DNAH5: variants seen among roughly 807,000 people sequenced by gnomAD.
DNAH5 encodes the protein axonemal beta dynein heavy chain 5.
A neutral mutation model predicts 518.2 loss-of-function variants in DNAH5; 372 were observed. The ratio of observed to expected loss-of-function variants is 0.72; its 90% CI spans 0.66 to 0.78. The LOEUF (loss-of-function observed/expected upper bound fraction) is 0.78, where lower values mean the gene tolerates loss of function less well. Ranked by LOEUF, DNAH5 falls within the 30% of genes least tolerant of loss-of-function variation. The pLI is 0.00. For synonymous variants in DNAH5, 2,039 were observed against 2,025.9 expected (o/e 1.01, Z -0.17); for missense variants, 5,523 against 5,687.0 (o/e 0.97, Z 0.93).
At chr5:13,692,371 T>C (rs1464750381) in intron 78 of DNAH5, among the ~76,000 whole-genome samples, 2 of 152,148 alleles carry the variant, frequency 1.3e-5, no homozygotes, top group East Asian at 3.9e-4. Flanking sequence ...TGCTGGCCCC[T>C]TGCCCTGAAC....
Position 13,777,285 on chromosome 5 carries a change from C to T in DNAH5, c.9022G>A (p.Gly3008Arg), listed in dbSNP as rs1348742926. The T allele has an allele frequency of 8.1e-6, 13 of 1,613,218 alleles. No homozygotes were observed. In the East Asian group the frequency reaches 2.7e-4, roughly 33 times the overall value. The stretch of plus-strand genomic sequence containing the variant: ...TTGTCTGTGAAAATAAAAGTGATTC[C>T]TTTGCCTTGCTGACCAGCTGTTCGA... ...LYRTAGQQGK[G>R]ITFIFTDNEI... is the part of the protein sequence containing the mutation. Residue 3008 changes from glycine (G) to arginine (R), a missense_variant, in exon 54 of 79, where the codon GGA becomes AGA. By Grantham distance (125) the Gly-to-Arg change is moderately radical (BLOSUM62 -2). This residue lies in a region of DNAH5 where 5,121 missense variants were observed against 5,223.3 expected (regional missense o/e 0.98). Transcript: ENST00000265104.
intron 38 of DNAH5, among the ~76,000 whole-genome samples, chr5:13,828,283 T>C (rs1006144): frequency 0.4 from 60,629 of 152,098 alleles, 12,305 homozygotes; most frequent in East Asian, 0.61. Flanking sequence ...TTCAAAGAAG[T>C]TTGAAATTAA....
At chr5:13,862,853 A>ATATATATATATAT (rs55675172) in intron 28 of DNAH5, 106 bp from the exon 29 acceptor site, 3 of 302,622 alleles carry the variant, frequency 9.9e-6, no homozygotes, top group African/African-American at 2.3e-5. Flanking sequence ...TATATATATA[A>ATATATATATATAT]ATATATATAT....
intron 55 of DNAH5, 62 bp downstream of exon 55, chr5:13,776,377 C>A: frequency 6.2e-7 from 1 of 1,608,278 alleles, no homozygotes; most frequent in Non-Finnish European, 8.5e-7. Context: ...TTCAAGCATC[C>A]CTGAAAGAAC....
Position 13,747,338 on chromosome 5 carries a change from G to A in DNAH5, c.11211+3740C>T, listed in dbSNP as rs866564407. On this transcript the variant is annotated intron_variant, in intron 65 of 78. Coordinates refer to ENST00000265104, the MANE Select transcript of DNAH5 (RefSeq NM_001369.3). ...AGTCTTTGCTATTGTGAATAGTGCC[G>A]CAATAAACATACGTGTGCATGTATC... Among the ~76,000 whole-genome samples, 381 of 152,176 alleles carry A rather than the reference G, an allele frequency of 2.5e-3. 4 individuals are homozygous for A. Among genetic ancestry groups the A allele is most frequent in the African/African-American group, 8.8e-3 (365 of 41,504 alleles).
chr5:13,774,863 A>T (rs1268836863), intron 55 of DNAH5, among the ~76,000 whole-genome samples: 1 of 152,178 alleles, frequency 6.6e-6, no homozygotes, highest in African/African-American at 2.4e-5. Context: ...TTCATATGTA[A>T]ATCATCTTAA....
At position 13,824,192 on chromosome 5, in the gene DNAH5, G is replaced by GT. The variant is rs1259303216; in HGVS notation, c.6579+6dup. ...GTAGGTGGAACACTTCCATCTGTGA[G>GT]TCTTACCAGTTTAGAAAGATTCATG... On this transcript the variant is annotated splice_region_variant and intron_variant, in intron 39 of 78. Transcript: ENST00000265104. The GT allele has an allele frequency of 1.9e-6, 3 of 1,613,648 alleles. No homozygotes were observed. The highest frequency in any genetic ancestry group is 2.5e-6 in the Non-Finnish European group (3 of 1,179,808).
At chr5:13,889,751 G>A (rs536202545) in intron 17 of DNAH5, among the ~76,000 whole-genome samples, 15 of 152,194 alleles carry the variant, frequency 9.9e-5, no homozygotes, top group Middle Eastern at 3.4e-3. Context: ...GGTGAGCTCC[G>A]GGCAAGCCTC....
chr5:13,891,002 A>G lies in DNAH5; in HGVS notation c.2551T>C (p.Cys851Arg). ...CQLPQEEPLT[C>R]EEFLQMTKDL... Reference sequence around the variant, plus strand: ...TTTGTCATTTGGAGAAACTCTTCACAGGTTAGTGGCTCCTCCTGGGGAAGC... The same window carrying G: ...TTTGTCATTTGGAGAAACTCTTCACGGGTTAGTGGCTCCTCCTGGGGAAGC... The change falls in exon 17 of 79, where the codon TGT becomes CGT. Residue 851 changes from cysteine (C) to arginine (R), a missense_variant. This residue lies in a region of DNAH5 where 5,121 missense variants were observed against 5,223.3 expected (regional missense o/e 0.98). Transcript: ENST00000265104. The G allele has an allele frequency of 6.2e-7, 1 of 1,614,184 alleles. No homozygotes were observed. Among genetic ancestry groups the G allele is most frequent in the Non-Finnish European group, 8.5e-7 (1 of 1,179,992 alleles).
intron 75 of DNAH5, among the ~76,000 whole-genome samples, chr5:13,713,767 A>C (rs111900011): frequency 1.1e-4 from 17 of 152,090 alleles, no homozygotes; most frequent in African/African-American, 4.1e-4. Flanking sequence ...GGGTTCACCA[A>C]TATCTCACAA....
In DNAH5 at chr5:13,956,709, C is replaced by G. The variant is rs554476704; in HGVS notation, c.13-25465G>C. ...AGCAGAGACCGAAGTGTGAGGTTTA[C>G]AGCATGATTCAACTGCCACATTTTT... On this transcript the variant is annotated intron_variant, in intron 1 of 78. Transcript: ENST00000681290. 2.6e-5 allele frequency among the ~76,000 whole-genome samples: 4 copies of G among 152,336 alleles called. No individual in the cohort carries two copies. In the East Asian group the frequency reaches 5.8e-4, roughly 22 times the overall value.
At chr5:13,955,881 C>G (rs989098412) in intron 1 of DNAH5, among the ~76,000 whole-genome samples, 12 of 152,094 alleles carry the variant, frequency 7.9e-5, no homozygotes, top group African/African-American at 2.9e-4. Context: ...GTTCAAAACT[C>G]TTATTTCAAT....
At chr5:13,926,652 C>A (rs908141597) in intron 3 of DNAH5, among the ~76,000 whole-genome samples, 1 of 151,732 alleles carries the variant, frequency 6.6e-6, no homozygotes, top group Admixed American at 6.6e-5. Context: ...TAAGAACATC[C>A]AGGAAAGTCA....
rs1561102835 is a variant in DNAH5 at position 13,717,431 on chromosome 5, C to T, written c.12589G>A (p.Glu4197Lys). 1.2e-6 allele frequency: 2 copies of T among 1,614,164 alleles called. No individual in the cohort carries two copies. The highest frequency in any genetic ancestry group is 8.5e-7 in the Non-Finnish European group (1 of 1,180,016). ...CCCAGGGCACCGAACTTGCGCCTCT[C>T]CTGGACAGTGGAGTGCAGGAAAGCC... ...AVAFLHSTVQ[E>K]RRKFGALGWN... Residue 4197 changes from glutamate to lysine, a missense_variant, in exon 73 of 79, where the codon GAG becomes AAG. By Grantham distance (56) the Glu-to-Lys change is moderately conservative. Coordinates refer to ENST00000265104, the MANE Select transcript of DNAH5 (RefSeq NM_001369.3).
At chr5:13,995,291 C>G (rs1438073586) in intron 1 of DNAH5, among the ~76,000 whole-genome samples, 1 of 152,168 alleles carries the variant, frequency 6.6e-6, no homozygotes, top group Non-Finnish European at 1.5e-5. Flanking sequence ...GCCCTGATGT[C>G]CAAACCCCCA....
chr5:13,940,836 TAGAA>T (rs1169150386), intron 1 of DNAH5, among the ~76,000 whole-genome samples: 2 of 152,320 alleles, frequency 1.3e-5, no homozygotes, highest in Admixed American at 6.5e-5. Flanking sequence ...AATTGAATGA[TAGAA>T]AGAACAAGTT....
chr5:13,916,390 A>G lies in DNAH5; in HGVS notation c.1155T>C (p.His385=), dbSNP rs1164490344. 1.3e-6 allele frequency: 2 copies of G among 1,539,738 alleles called. No homozygotes were observed. The highest frequency in any genetic ancestry group is 1.8e-6 in the Non-Finnish European group (2 of 1,114,332). ...NAIKMIYSIS[H]YYNTSEKITS... ...TGATCTTCTCAGAGGTATTATAGTA[A>G]TGAGAGATACTATAGATCATTTTAA... Residue 385 remains histidine, a synonymous_variant, in exon 9 of 79, where the codon CAT becomes CAC. Transcript: ENST00000265104.
intron 1 of DNAH5, among the ~76,000 whole-genome samples, chr5:13,993,775 T>C (rs73047509): frequency 0.056 from 8,474 of 152,228 alleles, 498 homozygotes; most frequent in East Asian, 0.19. Context: ...AGCCAGAAAT[T>C]GGTTGTAATG....
rs1774615095 is a variant in DNAH5 at position 13,901,456 on chromosome 5, C to T, written c.1848G>A (p.Leu616=). ...CAGCGATGGGAGGCTGGTTTCGAGC[C>T]AGAGGAGGATCGTATTTCTGCTTTG... ...LYTKQKYDPP[L]ARNQPPIAGK... Residue 616 remains leucine, a synonymous_variant, in exon 14 of 79, where the codon CTG becomes CTA. Coordinates refer to ENST00000265104, the MANE Select transcript of DNAH5 (RefSeq NM_001369.3). 1 of 1,613,842 alleles carries T rather than the reference C, an allele frequency of 6.2e-7. No individual in the cohort carries two copies. Among genetic ancestry groups the T allele is most frequent in the Admixed American group, 1.7e-5 (1 of 60,002 alleles).
Sources: allele counts gnomAD v4.1 joint callset (sites outside exome capture counted in the v4.1 genomes callset), GRCh38; gene constraint gnomAD v4.1.1; regional missense constraint gnomAD v4.1.1; transcripts MANE v1.5; gene names NCBI Gene and HGNC (gene_info 2026-07-23, HGNC 2026-07-21).